ZBTB10: variants seen among roughly 807,000 people sequenced by gnomAD.
ZBTB10 encodes zinc finger and BTB domain containing 10.
ZBTB10 carries 32 observed loss-of-function variants against 76.4 expected under a neutral mutation model. That is an observed-to-expected ratio of 0.42 (90% confidence interval 0.32 to 0.56). The LOEUF is 0.56. Among genes scored for constraint, ZBTB10 ranks in the 20% least tolerant of loss-of-function variants. The pLI is 0.14. For synonymous variants in ZBTB10, 523 were observed against 432.9 expected, an observed-to-expected ratio of 1.21 and a Z score of -2.58; for missense variants, 1,057 against 1,098.5, an observed-to-expected ratio of 0.96 and a Z score of 0.53.
In ZBTB10 at chr8:80,486,364, G is replaced by C; in HGVS notation, c.-447G>C. ...GCCTGCGAAGCCGGCGGCGGCGTCG[G>C]GACTCCTCGGCGCGCGGAGGAAGGA... is the stretch of plus-strand genomic sequence containing the variant. On this transcript the variant is annotated 5_prime_UTR_variant, in exon 1 of 6. Transcript: ENST00000455036. 1 of 990,614 alleles carries C rather than the reference G, an allele frequency of 1.0e-6. No individual in the cohort carries two copies. The highest frequency in any genetic ancestry group is 1.2e-6 in the Non-Finnish European group (1 of 834,044). The allele number at this position is 990,614 out of a possible 1,614,324, so 61.4% of individuals were successfully genotyped here. A position where few individuals can be genotyped will look rare whatever the true frequency, so the allele number is the denominator to read the frequency against.
intron 2 of ZBTB10, among the ~76,000 whole-genome samples, chr8:80,504,579 G>C (rs779203551): frequency 1.3e-5 from 2 of 152,086 alleles, no homozygotes; most frequent in Non-Finnish European, 2.9e-5. Context: ...CTTCACTTCA[G>C]ATCATTTCTT....
intron 1 of ZBTB10, among the ~76,000 whole-genome samples, chr8:80,489,149 G>A (rs951181087): frequency 6.6e-6 from 1 of 152,190 alleles, no homozygotes; most frequent in African/African-American, 2.4e-5. Flanking sequence ...AAGGAATGTC[G>A]TAATGGAAAA....
Position 80,487,420 on chromosome 8 carries a change from TGCA to T in ZBTB10, c.621_623del (p.Ser207del), listed in dbSNP as rs748242320. On this transcript the variant is annotated inframe_deletion, in exon 1 of 6. Transcript: ENST00000455036. ...CGGCAGCGGGGCGGAAGGCGGCAGC[TGCA>T]GCAGCAGCAGGCGGTCGGGCGGCGA... is the stretch of plus-strand genomic sequence containing the variant. The T allele has an allele frequency of 6.5e-6, 10 of 1,542,006 alleles. No homozygotes were observed. Among genetic ancestry groups the T allele is most frequent in the South Asian group, 2.4e-5 (2 of 82,884 alleles).
chr8:80,513,188 C>T (rs1816242332), intron 2 of ZBTB10, among the ~76,000 whole-genome samples: 2 of 152,022 alleles, frequency 1.3e-5, no homozygotes. Context: ...TCACCCCAGG[C>T]TGGAGTGCAG....
At position 80,486,591 on chromosome 8, in the gene ZBTB10, A is replaced by G; in HGVS notation, c.-220A>G. The G allele has an allele frequency of 1.0e-6, 1 of 986,044 alleles. No homozygotes were observed. The highest frequency in any genetic ancestry group is 1.2e-6 in the Non-Finnish European group (1 of 831,014). The allele number at this position is 986,044 out of a possible 1,614,324, so 61.1% of individuals were successfully genotyped here. ...GGGTGGAGGACGAGAGAGCGGTCGG[A>G]GGCGTCGGCCCGGCAGCGGCAGCGG... On this transcript the variant is annotated 5_prime_UTR_variant, in exon 1 of 6. Transcript: ENST00000455036.
In ZBTB10 at chr8:80,499,827, G is replaced by T; in HGVS notation, c.1306G>T (p.Ala436Ser). 2.5e-6 allele frequency: 4 copies of T among 1,613,986 alleles called. No homozygotes were observed. The highest frequency in any genetic ancestry group is 3.4e-6 in the Non-Finnish European group (4 of 1,179,880). ...SGNLVLTSQNAIEVMTVASYL... is the reference protein window; with the variant it reads ...SGNLVLTSQNSIEVMTVASYL... ...TAACCTGGTGCTCACAAGCCAAAAT[G>T]CCATTGAAGTTATGACCGTGGCCAG... Residue 436 changes from alanine (A) to serine (S), a missense_variant, in exon 2 of 6, where the codon GCC becomes TCC. Physicochemically the swap from Ala to Ser is moderately conservative, Grantham distance 99. Transcript: ENST00000455036.
upstream of ZBTB10, chr8:80,485,925 G>T (rs1041598080): frequency 1.3e-6 from 2 of 1,520,928 alleles, no homozygotes; most frequent in African/African-American, 2.8e-5. Flanking sequence ...CCTGACACTC[G>T]CCAGCTGTTT....
intron 1 of ZBTB10, among the ~76,000 whole-genome samples, chr8:80,490,577 A>G (rs1169852688): frequency 6.6e-6 from 1 of 152,062 alleles, no homozygotes; most frequent in East Asian, 1.9e-4. Context: ...TCTCCTTTTT[A>G]TACCTTCAGA....
At position 80,487,413 on chromosome 8, in the gene ZBTB10, C is replaced by T. The variant is rs776169293; in HGVS notation, c.603C>T (p.Gly201=). 3 of 1,539,686 alleles carry T rather than the reference C, an allele frequency of 1.9e-6. No homozygotes were observed. Among genetic ancestry groups the T allele is most frequent in the South Asian group, 2.4e-5 (2 of 82,250 alleles). ...TGGGCGACGGCAGCGGGGCGGAAGG[C>T]GGCAGCTGCAGCAGCAGCAGGCGGT... is the stretch of plus-strand genomic sequence containing the variant. ...ASLGDGSGAE[G]GSCSSSRRSG... is the part of the protein sequence containing the mutation. Residue 201 remains glycine (G), a synonymous_variant, in exon 1 of 6, where the codon GGC becomes GGT. Transcript: ENST00000455036.
In ZBTB10 at chr8:80,486,475, G is replaced by A. The variant is rs1464782711; in HGVS notation, c.-336G>A. The stretch of plus-strand genomic sequence containing the variant: ...TCCCCGCACTCCGCTGCTCAACTTC[G>A]AAGGCCTCGCTCGCTGCAGGCTCGC... On this transcript the variant is annotated 5_prime_UTR_variant, in exon 1 of 6. Coordinates refer to ENST00000455036, the MANE Select transcript of ZBTB10 (RefSeq NM_001105539.3). 4.1e-6 allele frequency: 4 copies of A among 985,194 alleles called. No individual in the cohort carries two copies. Among genetic ancestry groups the A allele is most frequent in the Non-Finnish European group, 4.8e-6 (4 of 829,998 alleles). The allele number at this position is 985,194 out of a possible 1,614,324, so 61.0% of individuals were successfully genotyped here.
intron 1 of ZBTB10, among the ~76,000 whole-genome samples, chr8:80,493,329 G>T (rs1815693179): frequency 6.6e-6 from 1 of 152,070 alleles, no homozygotes; most frequent in Admixed American, 6.6e-5. Context: ...TGAATAGATA[G>T]ACTGGAGGTC....
rs528375416 is a variant in ZBTB10, at chr8:80,500,515, C to T, written c.1861+133C>T. On this transcript the variant is annotated intron_variant, in intron 2 of 5. Transcript: ENST00000455036. ...AAGTTGTTTACAAAAGAAGGGGGAA[C>T]GTCATTCAAATGCATAACATATTTG... is the stretch of plus-strand genomic sequence containing the variant. 126 of 913,552 alleles carry T rather than the reference C, an allele frequency of 1.4e-4. No homozygotes were observed. The African/African-American group carries it at 1.9e-3, about 14-fold the overall frequency. 56.6% of individuals were successfully genotyped at this position (913,552 alleles called of 1,614,324 possible).
At position 80,525,262 on chromosome 8, in the gene ZBTB10, T is replaced by C. The variant is rs761984678; in HGVS notation, c.*5734T>C. 6.6e-6 allele frequency: 1 copy of C among 152,122 alleles called. No individual in the cohort carries two copies. The highest frequency in any genetic ancestry group is 1.5e-5 in the Non-Finnish European group (1 of 67,994). 9.4% of individuals were successfully genotyped at this position (152,122 alleles called of 1,614,324 possible). ...TTAGGCTATGACATAACTGTCTTTC[T>C]GAAGTTTAAAGAAAGAAAGTGAACT... On this transcript the variant is annotated 3_prime_UTR_variant, in exon 6 of 6. Transcript: ENST00000455036.
chr8:80,499,866 A>T lies in ZBTB10; in HGVS notation c.1345A>T (p.Ser449Cys). 6.2e-7 allele frequency: 1 copy of T among 1,613,982 alleles called. No individual in the cohort carries two copies. Among genetic ancestry groups the T allele is most frequent in the East Asian group, 2.2e-5 (1 of 44,892 alleles). Residue 449 changes from serine to cysteine, a missense_variant, in exon 2 of 6, where the codon AGT becomes TGT. Coordinates refer to ENST00000455036, the MANE Select transcript of ZBTB10 (RefSeq NM_001105539.3). ...GACCGTGGCCAGCTATCTTCAAATG[A>T]GTGAAGTTGTTCAAACTTGCCGAAA... ...VMTVASYLQM[S>C]EVVQTCRNFI... is the part of the protein sequence containing the mutation.
chr8:80,501,065 C>T (rs1272330381), intron 2 of ZBTB10, among the ~76,000 whole-genome samples: 1 of 152,084 alleles, frequency 6.6e-6, no homozygotes, highest in Non-Finnish European at 1.5e-5. Flanking sequence ...GGGGTTTCAC[C>T]ATGTTGTCCA....
chr8:80,515,960 A>G (rs1816316530), intron 3 of ZBTB10, among the ~76,000 whole-genome samples: 1 of 152,236 alleles, frequency 6.6e-6, no homozygotes, highest in African/African-American at 2.4e-5. Flanking sequence ...AGGAGAGATG[A>G]AAGAAATTTG....
intron 2 of ZBTB10, among the ~76,000 whole-genome samples, chr8:80,502,460 C>T (rs1043898329): frequency 9.2e-5 from 14 of 152,196 alleles, no homozygotes; most frequent in African/African-American, 3.1e-4. Flanking sequence ...TGGTCTCGAA[C>T]TCGTGACCTC....
At chr8:80,514,058 T>TA (rs147305104) in intron 3 of ZBTB10, 50 bp downstream of exon 3, 404,569 of 1,533,202 alleles carry the variant, frequency 0.26, 63,513 homozygotes, top group African/African-American at 0.72. Flanking sequence ...TGGGAAGTGT[T>TA]ACATCTTACC....
Position 80,487,717 on chromosome 8 carries a change from A to C in ZBTB10, c.907A>C (p.Lys303Gln), listed in dbSNP as rs185956531. ...DELSRGTRNY[K>Q]KTLLLRHHVS... ...GCTTTCGCGAGGGACCCGCAACTAC[A>C]AGAAAACCCTCCTCCTGAGGCACCA... The change falls in exon 1 of 6, where the codon AAG becomes CAG. Residue 303 changes from lysine to glutamine, a missense_variant. Around this residue, in one of 5 missense-constraint regions of ZBTB10, gnomAD observed 556 missense variants for 451.7 expected, o/e 1.23. Transcript: ENST00000455036. The C allele has an allele frequency of 6.2e-7, 1 of 1,613,700 alleles. No homozygotes were observed. Among genetic ancestry groups the C allele is most frequent in the Non-Finnish European group, 8.5e-7 (1 of 1,179,782 alleles).
Sources: gnomAD v4.1 joint callset for allele counts (sites outside exome capture counted in the v4.1 genomes callset) on GRCh38, gnomAD v4.1.1 for gene constraint, gnomAD v4.1.1 regional missense constraint, MANE v1.5 for transcripts, NCBI Gene and HGNC (gene_info 2026-07-23, HGNC 2026-07-21) for gene names.